The following RNF6 variants were observed in gnomAD, a reference collection of about 807,000 sequenced individuals.
RNF6 encodes E3 ubiquitin-protein ligase RNF6.
RNF6 carries 21 observed loss-of-function variants against 50.1 expected under a neutral mutation model. The observed-to-expected ratio is 0.42, with a 90% CI of 0.30 to 0.60. RNF6 has a LOEUF of 0.60. RNF6 is among the 20% of genes least tolerant of loss of function. The pLI, the probability that RNF6 is intolerant of heterozygous loss-of-function variation, is 0.20. For missense variants in RNF6, 698 were observed against 838.2 expected (o/e 0.83, Z 2.07); for synonymous variants, 255 against 291.8 (o/e 0.87, Z 1.29).
At chr13:26,154,442 T>C (rs1405357905) in intron 5 of RNF6, among the ~76,000 whole-genome samples, 2 of 152,188 alleles carry the variant, frequency 1.3e-5, no homozygotes, top group African/African-American at 2.4e-5. Context: ...GAGATCAAAG[T>C]CATGATATCT....
At chr13:26,173,105 G>A (rs1272024933) in intron 5 of RNF6, among the ~76,000 whole-genome samples, 1 of 152,216 alleles carries the variant, frequency 6.6e-6, no homozygotes, top group Non-Finnish European at 1.5e-5. Context: ...CAAGACCACG[G>A]TGAGGTAGAA....
chr13:26,209,017 A>G (rs1304026562), downstream of RNF6, among the ~76,000 whole-genome samples: 1 of 152,254 alleles, frequency 6.6e-6, no homozygotes, highest in Admixed American at 6.5e-5. Context: ...TCCTTTAGCA[A>G]ATTGAGAACA....
At chr13:26,156,980 C>A (rs1263373489) in intron 5 of RNF6, among the ~76,000 whole-genome samples, 1 of 152,082 alleles carries the variant, frequency 6.6e-6, no homozygotes, top group Admixed American at 6.6e-5. Flanking sequence ...ATTCTTTACA[C>A]CAAAATAAGT....
At chr13:26,151,173 A>G (rs1391742801) in intron 5 of RNF6, among the ~76,000 whole-genome samples, 1 of 152,240 alleles carries the variant, frequency 6.6e-6, no homozygotes, top group Non-Finnish European at 1.5e-5. Context: ...CTTGTAGGAT[A>G]CTTTTATTAC....
intron 5 of RNF6, among the ~76,000 whole-genome samples, chr13:26,171,695 G>A (rs1220393736): frequency 3.9e-5 from 6 of 152,202 alleles, no homozygotes; most frequent in East Asian, 3.9e-4. Context: ...AAAATACAAT[G>A]AGATATGATT....
Position 26,213,758 on chromosome 13 carries a change from C to G in RNF6, c.*66G>C. The G allele has an allele frequency of 7.5e-7, 1 of 1,326,152 alleles. No individual in the cohort carries two copies. The highest frequency in any genetic ancestry group is 1.0e-6 in the Non-Finnish European group (1 of 966,976). 82.1% of individuals were successfully genotyped at this position (1,326,152 alleles called of 1,614,324 possible). A position where few individuals can be genotyped will look rare whatever the true frequency, so the allele number is the denominator to read the frequency against. ...ATCCTGGTTAGCTAATCACAAATAA[C>G]TCAGCAAAACAATGCTTGAACATTC... On this transcript the variant is annotated 3_prime_UTR_variant, in exon 5 of 5. Coordinates refer to ENST00000381588, the MANE Select transcript of RNF6 (RefSeq NM_005977.4).
intron 5 of RNF6, among the ~76,000 whole-genome samples, chr13:26,139,539 C>T (rs1169785472): frequency 6.6e-6 from 1 of 152,080 alleles, no homozygotes; most frequent in Non-Finnish European, 1.5e-5. Context: ...CCCACGGATA[C>T]AAATAGGACA....
chr13:26,147,268 G>C (rs1871300802), intron 5 of RNF6, among the ~76,000 whole-genome samples: 1 of 152,164 alleles, frequency 6.6e-6, no homozygotes, highest in Admixed American at 6.5e-5. Context: ...TTTACCTTTA[G>C]GGTCCCGATG....
At chr13:26,135,202 C>A (rs939999455) in intron 5 of RNF6, among the ~76,000 whole-genome samples, 14 of 152,278 alleles carry the variant, frequency 9.2e-5, no homozygotes, top group Non-Finnish European at 2.1e-4. Context: ...TTTGCAACCA[C>A]CCCTTGCAAT....
rs144963974 is a variant in RNF6, at chr13:26,161,251, C to G, written n.769-28800G>C. 3.2e-4 allele frequency among the ~76,000 whole-genome samples: 48 copies of G among 152,298 alleles called. No homozygotes were observed. In the East Asian group the frequency reaches 7.9e-3, roughly 25 times the overall value. Reference sequence around the variant, plus strand: ...GCAACTTTTTGATGTGTTCTGATATCTGGATTAGCAAATCCAGTCTGTATT... The same window carrying G: ...GCAACTTTTTGATGTGTTCTGATATGTGGATTAGCAAATCCAGTCTGTATT... On this transcript the variant is annotated intron_variant and non_coding_transcript_variant, in intron 5 of 5. Transcript: ENST00000468480.
chr13:26,141,945 C>T lies in RNF6; in HGVS notation n.769-9494G>A, dbSNP rs552817647. ...CTATCAGAAGAGTACAGACAACCTTCATGATGGGATAAAATATTCACAAAT... is the reference window on the plus strand; with the variant it reads ...CTATCAGAAGAGTACAGACAACCTTTATGATGGGATAAAATATTCACAAAT... On this transcript the variant is annotated intron_variant and non_coding_transcript_variant, in intron 5 of 5. Transcript: ENST00000468480. 2.3e-4 allele frequency among the ~76,000 whole-genome samples: 35 copies of T among 152,214 alleles called. No homozygotes were observed. In the South Asian group the frequency reaches 4.1e-3, roughly 18 times the overall value.
At chr13:26,222,434 C>T (rs1446199478), upstream of RNF6, 1 of 152,298 alleles carries the variant, frequency 6.6e-6, no homozygotes, top group African/African-American at 2.4e-5. Context: ...TCGTGGCAGC[C>T]GCGTAGTTGC....
chr13:26,153,639 G>A lies in RNF6; in HGVS notation n.769-21188C>T, dbSNP rs892484079. Among the ~76,000 whole-genome samples the A allele has an allele frequency of 1.2e-4, 18 of 152,220 alleles. 1 individual carries two copies. The highest frequency in any genetic ancestry group is 6.5e-4 in the Admixed American group (10 of 15,294). Reference sequence around the variant, plus strand: ...ATTGCAGGGTTCATAACAGAAATAAGGTTGAACAAACAGGAATAAACCAGA... The same window carrying A: ...ATTGCAGGGTTCATAACAGAAATAAAGTTGAACAAACAGGAATAAACCAGA... On this transcript the variant is annotated intron_variant and non_coding_transcript_variant, in intron 5 of 5. Transcript: ENST00000468480.
At chr13:26,167,292 C>T (rs963708027) in intron 5 of RNF6, among the ~76,000 whole-genome samples, 1 of 152,080 alleles carries the variant, frequency 6.6e-6, no homozygotes, top group Non-Finnish European at 1.5e-5. Flanking sequence ...AAAATTTTTG[C>T]AAGCTATGCA....
intron 5 of RNF6, among the ~76,000 whole-genome samples, chr13:26,185,830 C>G (rs187740994): frequency 1.3e-5 from 2 of 152,214 alleles, no homozygotes; most frequent in Non-Finnish European, 2.9e-5. Flanking sequence ...CTACGCCTAA[C>G]TACGAACCTT....
At chr13:26,206,245 G>C (rs940020155) in intron 5 of RNF6, among the ~76,000 whole-genome samples, 3 of 151,750 alleles carry the variant, frequency 2.0e-5, no homozygotes, top group Admixed American at 2.0e-4. Context: ...GCCAGCAGAG[G>C]AAGTAGATGG....
intron 5 of RNF6, among the ~76,000 whole-genome samples, chr13:26,148,849 G>C (rs1451446590): frequency 6.6e-6 from 1 of 151,400 alleles, no homozygotes; most frequent in Non-Finnish European, 1.5e-5. Context: ...AAGGCCAGCA[G>C]ATGCAGGGAA....
chr13:26,175,775 C>T (rs1251710062), intron 5 of RNF6, among the ~76,000 whole-genome samples: 2 of 152,120 alleles, frequency 1.3e-5, no homozygotes, highest in African/African-American at 4.8e-5. Flanking sequence ...GTGTGCACTT[C>T]CAAGTCATAG....
At chr13:26,205,044 C>A (rs1193905887) in intron 5 of RNF6, among the ~76,000 whole-genome samples, 2 of 152,134 alleles carry the variant, frequency 1.3e-5, no homozygotes, top group Non-Finnish European at 2.9e-5. Flanking sequence ...GTCCCTGGAG[C>A]AACGTGATAA....
Sources: allele counts gnomAD v4.1 joint callset (sites outside exome capture counted in the v4.1 genomes callset), GRCh38; gene constraint gnomAD v4.1.1; transcripts MANE v1.5; gene names NCBI Gene and HGNC (gene_info 2026-07-23, HGNC 2026-07-21).